KCNQ1OT1: variants seen among roughly 807,000 people sequenced by gnomAD.
KCNQ1OT1 encodes the protein KCNQ1 antisense RNA 2 (non-protein coding).
At chr11:2,628,909 A>G (rs1332206514) in exon 1 of KCNQ1OT1, 2 of 398,266 alleles carry the variant, frequency 5.0e-6, no homozygotes, top group Non-Finnish European at 8.9e-6. Context: ...GTCTTTGTCA[A>G]AGATTAGTTG....
chr11:2,615,178 T>C (rs907589805), exon 1 of KCNQ1OT1: 19 of 398,120 alleles, frequency 4.8e-5, no homozygotes, highest in East Asian at 2.9e-4. Context: ...ATTTTAAAAA[T>C]TGACTTCCTT....
At chr11:2,650,380 G>C (rs771164315) in exon 1 of KCNQ1OT1, 18 of 398,448 alleles carry the variant, frequency 4.5e-5, no homozygotes, top group Non-Finnish European at 8.0e-5. Context: ...GAATAACAGA[G>C]ACTTCCAATT....
At chr11:2,686,718 C>T (rs895845456) in exon 1 of KCNQ1OT1, 10 of 398,510 alleles carry the variant, frequency 2.5e-5, no homozygotes, top group African/African-American at 1.4e-4. Context: ...AAGTCCTACT[C>T]GGCCCCACTT....
In KCNQ1OT1 at chr11:2,653,120, T is replaced by G. The variant is rs1486730270; in HGVS notation, n.46875A>C. On this transcript the variant is annotated non_coding_transcript_exon_variant, in exon 1 of 1. Coordinates refer to ENST00000597346, the Ensembl canonical transcript of KCNQ1OT1. The surrounding 1 kb of genome is among the most constrained non-coding windows in gnomAD (Gnocchi z 5.3). ...GAGGCTCACTGAAGGTTTGGGGAGA[T>G]GAGGACTTGCATCACAGCAGTAGAA... 2.5e-6 allele frequency: 1 copy of G among 398,598 alleles called. No individual in the cohort carries two copies. The highest frequency in any genetic ancestry group is 4.4e-6 in the Non-Finnish European group (1 of 226,124). The allele number at this position is 398,598 out of a possible 1,614,324, so 24.7% of individuals were successfully genotyped here.
exon 1 of KCNQ1OT1, chr11:2,665,457 C>T (rs992982546): frequency 3.8e-5 from 15 of 396,994 alleles, no homozygotes; most frequent in African/African-American, 2.5e-4. Context: ...GTCACTGGCA[C>T]GACAGTGGGT....
Position 2,621,976 on chromosome 11 carries a change from C to G in KCNQ1OT1, n.78019G>C. The G allele has an allele frequency of 2.5e-6, 1 of 398,142 alleles. No individual in the cohort carries two copies. Among genetic ancestry groups the G allele is most frequent in the Non-Finnish European group, 4.4e-6 (1 of 225,898 alleles). 24.7% of individuals were successfully genotyped at this position (398,142 alleles called of 1,614,324 possible). A position where few individuals can be genotyped will look rare whatever the true frequency, so the allele number is the denominator to read the frequency against. ...TACAATTTTGGGCTATTTGAAATAT[C>G]TCTTCTTTTTTAATGTAGGCAAGGC... On this transcript the variant is annotated non_coding_transcript_exon_variant, in exon 1 of 1. Transcript: ENST00000597346. The surrounding 1 kb of genome is among the most constrained non-coding windows in gnomAD (Gnocchi z 5.7).
At position 2,676,224 on chromosome 11, in the gene KCNQ1OT1, T is replaced by C. The variant is rs58956504; in HGVS notation, n.23771A>G. 28,717 of 398,656 alleles carry C rather than the reference T, an allele frequency of 0.072. 1,166 individuals carry two copies. Among genetic ancestry groups the C allele is most frequent in the Middle Eastern group, 0.11 (168 of 1,588 alleles). 24.7% of individuals were successfully genotyped at this position (398,656 alleles called of 1,614,324 possible). ...TCTTTTTGAGCTGTACATACAATGC[T>C]GATTTATTATGGTGCAGTACATCTG... On this transcript the variant is annotated non_coding_transcript_exon_variant, in exon 1 of 1. Transcript: ENST00000597346. This position sits in a 1 kb window ranked among gnomAD's most constrained non-coding sequence, Gnocchi z 4.2.
rs543340524 is a variant in KCNQ1OT1, at chr11:2,647,397, G to A, written n.52598C>T. 4 of 398,564 alleles carry A rather than the reference G, an allele frequency of 1.0e-5. No homozygotes were observed. Among genetic ancestry groups the A allele is most frequent in the African/African-American group, 2.1e-5 (1 of 48,752 alleles). 24.7% of individuals were successfully genotyped at this position (398,564 alleles called of 1,614,324 possible). On this transcript the variant is annotated non_coding_transcript_exon_variant, in exon 1 of 1. Coordinates refer to ENST00000597346, the Ensembl canonical transcript of KCNQ1OT1. This position sits in a 1 kb window ranked among gnomAD's most constrained non-coding sequence, Gnocchi z 4.0. ...ATTGCTAGTTTGTGTGTCTGTGTGT[G>A]TGTTTTGTTTCTGAGGATTCTGCAT...
chr11:2,687,241 A>G lies in KCNQ1OT1; in HGVS notation n.12754T>C, dbSNP rs1369566320. On this transcript the variant is annotated non_coding_transcript_exon_variant, in exon 1 of 1. Transcript: ENST00000597346. The surrounding 1 kb of genome is among the most constrained non-coding windows in gnomAD (Gnocchi z 5.0). ...AATGTGCAATTTTCACTCAGCCAGC[A>G]TCACTACCAGCTCCGGGCTTCTCTC... 5 of 398,516 alleles carry G rather than the reference A, an allele frequency of 1.3e-5. No homozygotes were observed. The East Asian group carries it at 1.8e-4, about 14-fold the overall frequency. 24.7% of individuals were successfully genotyped at this position (398,516 alleles called of 1,614,324 possible).
At chr11:2,618,766 A>C (rs1451532962) in exon 1 of KCNQ1OT1, 3 of 398,316 alleles carry the variant, frequency 7.5e-6, no homozygotes, top group Admixed American at 4.4e-5. Flanking sequence ...CTGTATATTG[A>C]TTTGGATATT....
exon 1 of KCNQ1OT1, chr11:2,655,400 T>A: frequency 2.5e-6 from 1 of 398,710 alleles, no homozygotes; most frequent in Non-Finnish European, 4.4e-6. Context: ...GTCACCAGGA[T>A]GCTGTGCTCT....
chr11:2,672,452 A>T (rs1041203735), exon 1 of KCNQ1OT1: 5 of 398,538 alleles, frequency 1.3e-5, no homozygotes, highest in Non-Finnish European at 2.2e-5. Context: ...AAGAGCTTCA[A>T]TTGAGATATC....
In KCNQ1OT1 at chr11:2,663,092, C is replaced by T. The variant is rs1849998579; in HGVS notation, n.36903G>A. On this transcript the variant is annotated non_coding_transcript_exon_variant, in exon 1 of 1. Transcript: ENST00000597346. The surrounding 1 kb of genome is among the most constrained non-coding windows in gnomAD (Gnocchi z 5.2). ...TGGGTAGCCAGAATGAGGCCACCTC[C>T]AGGGAAGGAGTGGCTATCTTAAGGG... The T allele has an allele frequency of 2.5e-6, 1 of 398,700 alleles. No homozygotes were observed. The highest frequency in any genetic ancestry group is 4.4e-6 in the Non-Finnish European group (1 of 226,130). The allele number at this position is 398,700 out of a possible 1,614,324, so 24.7% of individuals were successfully genotyped here.
Position 2,657,695 on chromosome 11 carries a change from C to A in KCNQ1OT1, n.42300G>T. 1 of 398,584 alleles carries A rather than the reference C, an allele frequency of 2.5e-6. No individual in the cohort carries two copies. Among genetic ancestry groups the A allele is most frequent in the Non-Finnish European group, 4.4e-6 (1 of 226,050 alleles). The allele number at this position is 398,584 out of a possible 1,614,324, so 24.7% of individuals were successfully genotyped here. On this transcript the variant is annotated non_coding_transcript_exon_variant, in exon 1 of 1. Coordinates refer to ENST00000597346, the Ensembl canonical transcript of KCNQ1OT1. The surrounding 1 kb of genome is among the most constrained non-coding windows in gnomAD (Gnocchi z 4.8). ...TAATGTCCTTTTTCTGTTCCAAGAT[C>A]CCATCTAGGATCGATCATTACATTT...
chr11:2,697,966 G>A, exon 1 of KCNQ1OT1: 1 of 398,586 alleles, frequency 2.5e-6, no homozygotes. Flanking sequence ...CCATAATCAA[G>A]CAACTCAATC....
chr11:2,628,212 C>T lies in KCNQ1OT1; in HGVS notation n.71783G>A, dbSNP rs567775830. The T allele has an allele frequency of 4.4e-4, 176 of 398,548 alleles. No individual in the cohort carries two copies. The highest frequency in any genetic ancestry group is 3.3e-3 in the African/African-American group (162 of 48,718). The allele number at this position is 398,548 out of a possible 1,614,324, so 24.7% of individuals were successfully genotyped here. ...TTTTAATTTTTTAAAGAAAATCTATCGTGTTTTCCATAATGACTGTATCAA... is the reference window on the plus strand; with the variant it reads ...TTTTAATTTTTTAAAGAAAATCTATTGTGTTTTCCATAATGACTGTATCAA... On this transcript the variant is annotated non_coding_transcript_exon_variant, in exon 1 of 1. Transcript: ENST00000597346.
chr11:2,689,268 C>A (rs780455938), exon 1 of KCNQ1OT1: 4 of 398,624 alleles, frequency 1.0e-5, no homozygotes, highest in Non-Finnish European at 1.3e-5. Context: ...TTCCTATCAG[C>A]CTTTGCACAG....
At position 2,642,966 on chromosome 11, in the gene KCNQ1OT1, T is replaced by C. The variant is rs756041188; in HGVS notation, n.57029A>G. 16 of 397,852 alleles carry C rather than the reference T, an allele frequency of 4.0e-5. No homozygotes were observed. The highest frequency in any genetic ancestry group is 2.5e-4 in the South Asian group (2 of 7,856). 24.6% of individuals were successfully genotyped at this position (397,852 alleles called of 1,614,324 possible). A position where few individuals can be genotyped will look rare whatever the true frequency, so the allele number is the denominator to read the frequency against. On this transcript the variant is annotated non_coding_transcript_exon_variant, in exon 1 of 1. Transcript: ENST00000597346. The surrounding 1 kb of genome is among the most constrained non-coding windows in gnomAD (Gnocchi z 4.3). ...TTAATTTCCATTTATTTATACAGTT[T>C]TGAATGCTCCTCTTATTTATTTATA...
exon 1 of KCNQ1OT1, chr11:2,632,733 T>C (rs1184427047): frequency 2.5e-6 from 1 of 398,320 alleles, no homozygotes; most frequent in African/African-American, 2.1e-5. Flanking sequence ...TTCATCCATG[T>C]TGCTGTGAAT....
Sources: allele counts gnomAD v4.1 joint callset, GRCh38; gene constraint gnomAD v4.1.1; non-coding constraint Gnocchi (gnomAD v3.1); transcripts MANE v1.5; gene names NCBI Gene and HGNC (gene_info 2026-07-23, HGNC 2026-07-21).